The following ODAD2 variants were observed in gnomAD, a reference collection of about 807,000 sequenced individuals.
ODAD2 encodes outer dynein arm docking complex subunit 2, also known as outer dynein arm-docking complex subunit 2.
In ODAD2, 89 loss-of-function variants were observed where a neutral mutation model predicts 106.8. The observed-to-expected ratio is 0.83, with a 90% CI of 0.70 to 0.99. ODAD2 has a LOEUF of 0.99. Among genes scored for constraint, ODAD2 ranks in the 50% least tolerant of loss-of-function variants. ODAD2 has a pLI of 0.00. For synonymous variants in ODAD2, 404 were observed against 436.2 expected, an observed-to-expected ratio of 0.93 and a Z score of 0.92; for missense variants, 1,168 against 1,238.5, an observed-to-expected ratio of 0.94 and a Z score of 0.85.
intron 16 of ODAD2, among the ~76,000 whole-genome samples, chr10:27,914,043 G>A (rs1393027507): frequency 6.6e-6 from 1 of 152,104 alleles, no homozygotes; most frequent in Non-Finnish European, 1.5e-5. Context: ...TATGTTTACT[G>A]CAGCAAAATT....
At chr10:27,928,514 A>C (rs1845404584) in intron 16 of ODAD2, among the ~76,000 whole-genome samples, 1 of 152,110 alleles carries the variant, frequency 6.6e-6, no homozygotes, top group African/African-American at 2.4e-5. Context: ...TTAGCATGAC[A>C]CACAAAGACC....
Position 27,981,579 on chromosome 10 carries a change from T to C in ODAD2, c.823A>G (p.Lys275Glu). ...TTAACGTCCCCTTCATCATCTGTTT[T>C]GCCCTTTGGGAAAAAACAAGTTTCA... ...SAGGVFLNGG[K>E]TDDEGDVNYE... The change falls in exon 7 of 20, where the codon AAA becomes GAA. Residue 275 changes from lysine (K) to glutamate (E), a missense_variant. Coordinates refer to ENST00000305242, the MANE Select transcript of ODAD2 (RefSeq NM_018076.5). 1 of 1,541,448 alleles carries C rather than the reference T, an allele frequency of 6.5e-7. No individual in the cohort carries two copies. The highest frequency in any genetic ancestry group is 8.7e-7 in the Non-Finnish European group (1 of 1,155,802).
rs12355297 is a variant in ODAD2, at chr10:27,910,947, C to G, written c.2496-3170G>C. On this transcript the variant is annotated intron_variant, in intron 16 of 19. Transcript: ENST00000305242. ...TTTTCATCAACCAATCAATATATAA[C>G]GTTGTTTCACGTGTATTTCTCTTTA... 1.4e-3 allele frequency among the ~76,000 whole-genome samples: 207 copies of G among 152,162 alleles called. 1 individual carries two copies. Among genetic ancestry groups the G allele is most frequent in the Non-Finnish European group, 1.2e-3 (84 of 68,004 alleles).
intron 7 of ODAD2, among the ~76,000 whole-genome samples, chr10:27,972,556 T>C (rs1426658997): frequency 6.6e-6 from 1 of 152,118 alleles, no homozygotes; most frequent in South Asian, 2.1e-4. Flanking sequence ...AAGATACAAA[T>C]ACATCAGAAG....
chr10:27,853,490 T>G (rs2133248967), intron 19 of ODAD2: 2 of 168,596 alleles, frequency 1.2e-5, no homozygotes, highest in East Asian at 3.5e-4. Context: ...AACTTTAGTA[T>G]GCTAATATTA....
chr10:27,820,441 A>G (rs541737377), intron 19 of ODAD2, among the ~76,000 whole-genome samples: 1 of 152,144 alleles, frequency 6.6e-6, no homozygotes, highest in South Asian at 2.1e-4. Context: ...CATATGAGTC[A>G]TAATGTTTGG....
intron 2 of ODAD2, among the ~76,000 whole-genome samples, chr10:27,992,590 T>C (rs2133208901): frequency 6.6e-6 from 1 of 152,214 alleles, no homozygotes; most frequent in Non-Finnish European, 1.5e-5. Context: ...CTTGAGGGGC[T>C]GAGGTGGGAG....
chr10:27,887,318 T>C (rs1842290241), intron 17 of ODAD2, among the ~76,000 whole-genome samples: 1 of 151,980 alleles, frequency 6.6e-6, no homozygotes, highest in Non-Finnish European at 1.5e-5. Flanking sequence ...CAAACATACA[T>C]GCACCAAACA....
At chr10:27,957,575 A>G (rs191435190) in intron 10 of ODAD2, 95 of 152,342 alleles carry the variant, frequency 6.2e-4, no homozygotes, top group African/African-American at 2.2e-3. Flanking sequence ...AGGGTACAGC[A>G]TCATCACCTA....
At chr10:27,820,298 T>A (rs1037123463) in intron 19 of ODAD2, among the ~76,000 whole-genome samples, 3 of 151,934 alleles carry the variant, frequency 2.0e-5, no homozygotes, top group African/African-American at 7.3e-5. Flanking sequence ...GTTTCGCCCA[T>A]CCTCCCTCAG....
chr10:27,969,860 C>G (rs1848722296), intron 8 of ODAD2, among the ~76,000 whole-genome samples: 1 of 152,138 alleles, frequency 6.6e-6, no homozygotes, highest in Non-Finnish European at 1.5e-5. Flanking sequence ...AATCCCAGCA[C>G]TTTGGGAGGC....
intron 19 of ODAD2, among the ~76,000 whole-genome samples, chr10:27,830,648 A>G (rs999390036): frequency 1.6e-4 from 25 of 152,334 alleles, no homozygotes; most frequent in African/African-American, 5.3e-4. Flanking sequence ...TGATACATGA[A>G]GAGCATAATT....
At chr10:27,994,560 T>C (rs1215356233) in intron 2 of ODAD2, among the ~76,000 whole-genome samples, 1 of 152,100 alleles carries the variant, frequency 6.6e-6, no homozygotes, top group Non-Finnish European at 1.5e-5. Flanking sequence ...TGAGACCTCA[T>C]CTGTAAAAAG....
intron 16 of ODAD2, among the ~76,000 whole-genome samples, chr10:27,931,333 T>C (rs1319680663): frequency 6.6e-6 from 1 of 152,162 alleles, no homozygotes; most frequent in Non-Finnish European, 1.5e-5. Context: ...TAATTTTTTC[T>C]CTACTTTTGC....
At chr10:27,849,083 C>T (rs1839038616) in intron 19 of ODAD2, among the ~76,000 whole-genome samples, 2 of 152,172 alleles carry the variant, frequency 1.3e-5, no homozygotes, top group African/African-American at 4.8e-5. Context: ...AAGCATGCTG[C>T]TATAAAGACA....
chr10:27,893,921 G>A (rs1426146356), intron 17 of ODAD2, among the ~76,000 whole-genome samples: 1 of 152,056 alleles, frequency 6.6e-6, no homozygotes, highest in Non-Finnish European at 1.5e-5. Flanking sequence ...AGGCCGAGGT[G>A]GGTGGATCAC....
chr10:27,821,720 A>G (rs1836627432), intron 19 of ODAD2, among the ~76,000 whole-genome samples: 1 of 152,198 alleles, frequency 6.6e-6, no homozygotes, highest in Non-Finnish European at 1.5e-5. Context: ...GTGAACTACA[A>G]ATTTGGTACA....
At chr10:27,939,712 TG>T (rs1846248716) in intron 14 of ODAD2, among the ~76,000 whole-genome samples, 184 bp downstream of exon 14, 1 of 152,006 alleles carries the variant, frequency 6.6e-6, no homozygotes. Context: ...CCCTCCAGCC[TG>T]GGCAACAGAG....
intron 18 of ODAD2, among the ~76,000 whole-genome samples, chr10:27,861,345 TTTC>T (rs1286895857): frequency 6.6e-6 from 1 of 152,286 alleles, no homozygotes; most frequent in Non-Finnish European, 1.5e-5. Flanking sequence ...AATCTTGAGT[TTTC>T]TTCTTATGAA....
Sources: allele counts gnomAD v4.1 joint callset (sites outside exome capture counted in the v4.1 genomes callset), GRCh38; gene constraint gnomAD v4.1.1; transcripts MANE v1.5; gene names NCBI Gene and HGNC (gene_info 2026-07-23, HGNC 2026-07-21).